Variants in HOXC4 observed in about 807,000 individuals in gnomAD.
The protein encoded by HOXC4 is homeobox C4.
HOXC4 carries 15 observed loss-of-function variants against 25.5 expected under a neutral mutation model. The observed-to-expected ratio is 0.59, with a 90% CI of 0.39 to 0.91. HOXC4 has a LOEUF of 0.91. Among genes scored for constraint, HOXC4 ranks in the 40% least tolerant of loss-of-function variants. The pLI is 0.00. For synonymous variants in HOXC4, 165 were observed against 148.0 expected, an observed-to-expected ratio of 1.11 and a Z score of -0.83; for missense variants, 342 against 352.4, an observed-to-expected ratio of 0.97 and a Z score of 0.24.
rs369651058 is a variant in HOXC4 at position 54,019,576 on chromosome 12, A to G, written c.-124+2162A>G. 1.8e-4 allele frequency among the ~76,000 whole-genome samples: 27 copies of G among 152,224 alleles called. 1 individual carries two copies. The South Asian group carries it at 5.4e-3, about 30-fold the overall frequency. ...TGTGGATGGCCGCTGATGGGGGGGA[A>G]CACAAGTGTCCTTTGTCCGTCCCCG... On this transcript the variant is annotated intron_variant, in intron 1 of 3. Coordinates refer to the HOXC4 transcript ENST00000303406.
chr12:54,033,417 T>A lies in HOXC4; in HGVS notation c.-124+16003T>A, dbSNP rs758896796. The A allele has an allele frequency of 6.2e-7, 1 of 1,609,406 alleles. No individual in the cohort carries two copies. The highest frequency in any genetic ancestry group is 1.3e-5 in the African/African-American group (1 of 74,824). ...AGCGGCTCCTCTGAACCCCGGGATG[T>A]ACAGTCAGAAGGCGGCTCGCCCGGC... On this transcript the variant is annotated intron_variant, in intron 1 of 3. Coordinates refer to the HOXC4 transcript ENST00000303406.
Position 54,054,023 on chromosome 12 carries a change from C to G in HOXC4, c.101C>G (p.Pro34Arg). The G allele has an allele frequency of 6.2e-7, 1 of 1,614,190 alleles. No homozygotes were observed. Among genetic ancestry groups the G allele is most frequent in the Non-Finnish European group, 8.5e-7 (1 of 1,180,020 alleles). Residue 34 changes from proline (P) to arginine (R), a missense_variant, in exon 1 of 2, where the codon CCG becomes CGG. Transcript: ENST00000430889. ...AATAGCTACATCCCTGAACACAGTC[C>G]GGAATATTACGGCCGGACCAGGGAA... ...SQNSYIPEHS[P>R]EYYGRTRESG...
intron 1 of HOXC4, chr12:54,032,959 C>G: frequency 1.6e-6 from 1 of 622,792 alleles, no homozygotes; most frequent in Non-Finnish European, 2.7e-6. Flanking sequence ...TCACGTGACT[C>G]TATTTAAGGC....
At chr12:54,028,758 G>A (rs1385463830) in intron 1 of HOXC4, 1 of 1,614,066 alleles carries the variant, frequency 6.2e-7, no homozygotes, top group Non-Finnish European at 8.5e-7. Flanking sequence ...CCTTTTACCA[G>A]GAGAAAGACA....
At chr12:54,019,779 T>C (rs1940346926) in intron 1 of HOXC4, 1 of 152,028 alleles carries the variant, frequency 6.6e-6, no homozygotes, top group African/African-American at 2.4e-5. Flanking sequence ...GAGTTCGAGG[T>C]TGGCCGCTTA....
intron 1 of HOXC4, among the ~76,000 whole-genome samples, chr12:54,046,917 G>T (rs1198739696): frequency 6.6e-6 from 1 of 152,186 alleles, no homozygotes; most frequent in Non-Finnish European, 1.5e-5. Flanking sequence ...TGCCCGCTGG[G>T]GCTGCCAGGG....
intron 1 of HOXC4, chr12:54,029,810 A>G: frequency 6.2e-7 from 1 of 1,614,084 alleles, no homozygotes; most frequent in Non-Finnish European, 8.5e-7. Context: ...GCGACAGATC[A>G]AAATCTGGTT....
At chr12:54,051,225 G>A (rs1937837915), upstream of HOXC4, among the ~76,000 whole-genome samples, 1 of 151,872 alleles carries the variant, frequency 6.6e-6, no homozygotes, top group Non-Finnish European at 1.5e-5. Flanking sequence ...GGCCTAGAAG[G>A]GAGACTGGGA....
chr12:54,029,504 G>A (rs1940898193), intron 1 of HOXC4: 6 of 684,212 alleles, frequency 8.8e-6, no homozygotes, highest in Non-Finnish European at 1.4e-5. Flanking sequence ...CCCCAGTGGG[G>A]GTGGGGCAAG....
At chr12:54,046,926 G>A (rs1199106320) in intron 1 of HOXC4, among the ~76,000 whole-genome samples, 2 of 152,214 alleles carry the variant, frequency 1.3e-5, no homozygotes, top group African/African-American at 4.8e-5. Flanking sequence ...GGGCTGCCAG[G>A]GCGAGGAGGC....
chr12:54,018,049 T>C (rs1397363321), intron 1 of HOXC4, among the ~76,000 whole-genome samples: 1 of 151,856 alleles, frequency 6.6e-6, no homozygotes, highest in Admixed American at 6.5e-5. Flanking sequence ...GGCTGGTGGC[T>C]GGTGCGCGTC....
chr12:54,047,666 C>G (rs1268779299), intron 1 of HOXC4: 2 of 152,512 alleles, frequency 1.3e-5, no homozygotes, highest in Non-Finnish European at 2.9e-5. Flanking sequence ...CAGGCCGAGG[C>G]TGGCGAGCGG....
In HOXC4 at chr12:54,042,774, C is replaced by A. The variant is rs1030668326; in HGVS notation, c.-123-10386C>A. ...GATTCAATTTAAGGAGAAGACGATGCTGTTTGAGAGCCAAGAAAGTCACAT... is the reference window on the plus strand; with the variant it reads ...GATTCAATTTAAGGAGAAGACGATGATGTTTGAGAGCCAAGAAAGTCACAT... On this transcript the variant is annotated intron_variant, in intron 1 of 3. Coordinates refer to the HOXC4 transcript ENST00000303406. Among the ~76,000 whole-genome samples the A allele has an allele frequency of 2.0e-5, 3 of 152,142 alleles. No individual in the cohort carries two copies. In the East Asian group the frequency reaches 5.8e-4, roughly 29 times the overall value.
Position 54,025,527 on chromosome 12 carries a change from TG to T in HOXC4, c.-124+8124del, listed in dbSNP as rs999135770. Among the ~76,000 whole-genome samples the T allele has an allele frequency of 2.3e-3, 29 of 12,690 alleles. 1 individual carries two copies. Among genetic ancestry groups the T allele is most frequent in the South Asian group, 0.016 (3 of 184 alleles). 8.3% of individuals were successfully genotyped at this position (12,690 alleles called of 152,430 possible). ...TCTTTCCTCAGGAATGAAAGGTAAT[TG>T]GGGGGGGGGGAGGTGTTGAAAATTA... On this transcript the variant is annotated intron_variant, in intron 1 of 3. Transcript: ENST00000303406.
intron 1 of HOXC4, among the ~76,000 whole-genome samples, chr12:54,029,238 G>A (rs531429089): frequency 6.6e-6 from 1 of 152,364 alleles, no homozygotes; most frequent in Admixed American, 6.5e-5. Flanking sequence ...GGAGAAGGGA[G>A]GGGGAGAGGA....
chr12:54,020,108 C>T (rs1285458795), intron 1 of HOXC4: 1 of 152,408 alleles, frequency 6.6e-6, no homozygotes, highest in East Asian at 1.9e-4. Context: ...GAGGACCCAC[C>T]AGTGGCAACT....
chr12:54,052,103 C>A (rs1937859455), upstream of HOXC4, among the ~76,000 whole-genome samples: 1 of 151,916 alleles, frequency 6.6e-6, no homozygotes, highest in Non-Finnish European at 1.5e-5. Context: ...CGTAGGGCGG[C>A]GAATTAAAGG....
chr12:54,033,704 G>A, intron 1 of HOXC4: 1 of 808,062 alleles, frequency 1.2e-6, no homozygotes, highest in Non-Finnish European at 1.9e-6. Flanking sequence ...TCGTAAAACT[G>A]TCCACTAAAA....
intron 1 of HOXC4, chr12:54,029,639 G>T: frequency 1.9e-6 from 3 of 1,607,118 alleles, no homozygotes; most frequent in Non-Finnish European, 2.6e-6. Flanking sequence ...AGTGTGTTTT[G>T]TGCCCGGATC....
Sources: gnomAD v4.1 joint callset for allele counts (sites outside exome capture counted in the v4.1 genomes callset) on GRCh38, gnomAD v4.1.1 for gene constraint, MANE v1.5 for transcripts, NCBI Gene and HGNC (gene_info 2026-07-23, HGNC 2026-07-21) for gene names.